Variants in AGBL4 observed in about 807,000 individuals in gnomAD.
AGBL4 encodes AGBL carboxypeptidase 4.
AGBL4 carries 58 observed loss-of-function variants against 66.4 expected under a neutral mutation model. The ratio of observed to expected loss-of-function variants is 0.87; its 90% CI spans 0.71 to 1.09. The LOEUF (loss-of-function observed/expected upper bound fraction) is 1.09, where lower values mean the gene tolerates loss of function less well. Among genes scored for constraint, AGBL4 ranks in the 50% least tolerant of loss-of-function variants. The pLI is 0.00. For missense variants in AGBL4, 579 were observed against 631.0 expected, an observed-to-expected ratio of 0.92 and a Z score of 0.88; for synonymous variants, 234 against 222.9, an observed-to-expected ratio of 1.05 and a Z score of -0.44.
At chr1:49,928,254 T>G (rs1652990572) in intron 1 of AGBL4, among the ~76,000 whole-genome samples, 1 of 152,108 alleles carries the variant, frequency 6.6e-6, no homozygotes, top group African/African-American at 2.4e-5. Flanking sequence ...TATTTTTATT[T>G]TTATTTTTAT....
intron 3 of AGBL4, among the ~76,000 whole-genome samples, chr1:49,366,351 G>A (rs567599546): frequency 6.6e-6 from 1 of 152,166 alleles, no homozygotes; most frequent in Admixed American, 6.5e-5. Flanking sequence ...TATTGTACCT[G>A]GCACAATGCC....
intron 6 of AGBL4, among the ~76,000 whole-genome samples, chr1:48,709,499 C>T (rs1461931707): frequency 6.6e-6 from 1 of 151,992 alleles, no homozygotes; most frequent in Non-Finnish European, 1.5e-5. Context: ...GGCTTCCCCA[C>T]CCCCCAAATA....
intron 5 of AGBL4, among the ~76,000 whole-genome samples, chr1:48,999,698 TC>T (rs1661261333): frequency 6.6e-6 from 1 of 152,120 alleles, no homozygotes; most frequent in African/African-American, 2.4e-5. Context: ...GGAGTGCCAC[TC>T]CCACCCAATC....
At chr1:48,627,536 T>C (rs888075205) in intron 9 of AGBL4, among the ~76,000 whole-genome samples, 12 of 151,970 alleles carry the variant, frequency 7.9e-5, no homozygotes. Flanking sequence ...ATTTATTTAT[T>C]TGACAGAAAG....
At chr1:48,751,830 C>T (rs1291035554) in intron 6 of AGBL4, among the ~76,000 whole-genome samples, 1 of 152,150 alleles carries the variant, frequency 6.6e-6, no homozygotes. Flanking sequence ...CCCACTGCCC[C>T]CAGGAAAACG....
At chr1:48,725,114 A>C (rs1197341493) in intron 6 of AGBL4, among the ~76,000 whole-genome samples, 1 of 152,172 alleles carries the variant, frequency 6.6e-6, no homozygotes, top group African/African-American at 2.4e-5. Flanking sequence ...TTAAGAAGAA[A>C]TTTACTCTCA....
intron 3 of AGBL4, among the ~76,000 whole-genome samples, chr1:49,487,081 A>G (rs1647083577): frequency 6.6e-6 from 1 of 151,992 alleles, no homozygotes; most frequent in South Asian, 2.1e-4. Flanking sequence ...ATGTTCAAAA[A>G]TAAGCTGGTG....
intron 5 of AGBL4, among the ~76,000 whole-genome samples, chr1:48,981,214 C>T (rs1659740973): frequency 1.3e-5 from 2 of 152,176 alleles, no homozygotes; most frequent in South Asian, 2.1e-4. Context: ...TCTTCCCATG[C>T]TTCTTAATCA....
intron 6 of AGBL4, among the ~76,000 whole-genome samples, chr1:48,824,135 C>T (rs1391172771): frequency 6.6e-6 from 1 of 152,132 alleles, no homozygotes; most frequent in Non-Finnish European, 1.5e-5. Context: ...TTTCACTGAA[C>T]ACCTAATATA....
intron 2 of AGBL4, among the ~76,000 whole-genome samples, chr1:49,729,465 G>A (rs1183127460): frequency 6.6e-6 from 1 of 152,132 alleles, no homozygotes; most frequent in Non-Finnish European, 1.5e-5. Context: ...ATACAGATGA[G>A]AAGATGTAGT....
chr1:49,581,411 C>T (rs1319471849), intron 3 of AGBL4, among the ~76,000 whole-genome samples: 1 of 152,070 alleles, frequency 6.6e-6, no homozygotes, highest in Non-Finnish European at 1.5e-5. Flanking sequence ...CATATCACCT[C>T]ATTTTTTATG....
At chr1:49,498,857 G>A (rs908381055) in intron 3 of AGBL4, among the ~76,000 whole-genome samples, 5 of 151,888 alleles carry the variant, frequency 3.3e-5, no homozygotes, top group Non-Finnish European at 4.4e-5. Flanking sequence ...TGTACATCAC[G>A]TTTATACATT....
At chr1:50,005,023 C>T (rs1456786064) in intron 1 of AGBL4, among the ~76,000 whole-genome samples, 1 of 152,092 alleles carries the variant, frequency 6.6e-6, no homozygotes, top group Non-Finnish European at 1.5e-5. Context: ...GGACCTAGCT[C>T]GCTGATGGCA....
In AGBL4 at chr1:49,778,615, A is replaced by G. The variant is rs187688894; in HGVS notation, c.157+72781T>C. 2.3e-3 allele frequency among the ~76,000 whole-genome samples: 344 copies of G among 152,320 alleles called. 4 individuals carry two copies. The highest frequency in any genetic ancestry group is 7.5e-3 in the African/African-American group (311 of 41,570). On this transcript the variant is annotated intron_variant, in intron 2 of 13. Transcript: ENST00000371839. ...TTTTATAAGAGTAAATCTAGCAAAG[A>G]GACAGGTAAAAGAGCCCTCCTGGAT... is the stretch of plus-strand genomic sequence containing the variant.
rs568834424 is a variant in AGBL4 at position 50,014,707 on chromosome 1, T to C, written c.34+9056A>G. 2.6e-5 allele frequency among the ~76,000 whole-genome samples: 4 copies of C among 152,038 alleles called. No individual in the cohort carries two copies. The South Asian group carries it at 8.3e-4, about 32-fold the overall frequency. ...GCCCGGCTAATTTTTGTATATCTAG[T>C]AGAGACGGGGATTCACCACGTTGGC... is the stretch of plus-strand genomic sequence containing the variant. On this transcript the variant is annotated intron_variant, in intron 1 of 13. Transcript: ENST00000371839.
chr1:48,798,329 T>A (rs560214532), intron 6 of AGBL4, among the ~76,000 whole-genome samples: 1 of 152,172 alleles, frequency 6.6e-6, no homozygotes, highest in Admixed American at 6.5e-5. Context: ...GGATTATTAT[T>A]TTTTTTCTTG....
intron 3 of AGBL4, among the ~76,000 whole-genome samples, chr1:49,362,573 T>G (rs1036096594): frequency 1.3e-5 from 2 of 152,026 alleles, no homozygotes; most frequent in East Asian, 1.9e-4. Context: ...AAACCAGTCT[T>G]TTCTTTGCGC....
chr1:48,937,131 T>A (rs1347278188), intron 5 of AGBL4, among the ~76,000 whole-genome samples: 1 of 152,212 alleles, frequency 6.6e-6, no homozygotes, highest in African/African-American at 2.4e-5. Context: ...TACTTGAATC[T>A]AAGCATCCAA....
chr1:49,207,544 T>TC, intron 4 of AGBL4, among the ~76,000 whole-genome samples: 1 of 94,046 alleles, frequency 1.1e-5, no homozygotes, highest in African/African-American at 4.7e-5. Context: ...TTTCTTTCTT[T>TC]TCTTTCTTTC....
Sources: allele counts gnomAD v4.1 joint callset (sites outside exome capture counted in the v4.1 genomes callset), GRCh38; gene constraint gnomAD v4.1.1; transcripts MANE v1.5; gene names NCBI Gene and HGNC (gene_info 2026-07-23, HGNC 2026-07-21).